The following PLA2G4A variants were observed in gnomAD, a reference collection of about 807,000 sequenced individuals.
PLA2G4A encodes the protein phospholipase A2 group IVA.
Under a neutral mutation model 81.9 loss-of-function variants are expected in PLA2G4A, and 40 were observed. The observed-to-expected ratio is 0.49, with a 90% CI of 0.38 to 0.64. The LOEUF (loss-of-function observed/expected upper bound fraction) is 0.64. Ranked by LOEUF, PLA2G4A falls within the 30% of genes least tolerant of loss-of-function variation. PLA2G4A has a pLI of 0.00. For synonymous variants in PLA2G4A, 302 were observed against 296.9 expected, an observed-to-expected ratio of 1.02 and a Z score of -0.18; for missense variants, 715 against 905.1, an observed-to-expected ratio of 0.79 and a Z score of 2.69.
intron 3 of PLA2G4A, among the ~76,000 whole-genome samples, chr1:186,871,655 A>AC (rs1653274564): frequency 6.6e-6 from 1 of 152,108 alleles, no homozygotes; most frequent in South Asian, 2.1e-4. Flanking sequence ...AGAATAGATA[A>AC]CGGAGGTGGG....
chr1:186,858,121 C>T (rs1271490748), intron 2 of PLA2G4A, among the ~76,000 whole-genome samples: 3 of 152,084 alleles, frequency 2.0e-5, no homozygotes, highest in African/African-American at 7.2e-5. Context: ...GGTTTATACT[C>T]AGTAATGGGA....
intron 14 of PLA2G4A, among the ~76,000 whole-genome samples, chr1:186,963,793 A>T (rs1341686776): frequency 6.6e-6 from 1 of 152,208 alleles, no homozygotes; most frequent in Non-Finnish European, 1.5e-5. Flanking sequence ...GTTGGATATT[A>T]ATGTTTCTTT....
chr1:186,912,154 TCATTAGCACCCC>T (rs1391245719), intron 7 of PLA2G4A, among the ~76,000 whole-genome samples: 2 of 152,184 alleles, frequency 1.3e-5, no homozygotes, highest in Non-Finnish European at 2.9e-5. Context: ...GAAAACACCC[TCATTAGCACCCC>T]CAGAAAGAAT....
At chr1:186,863,534 A>C (rs1253781376) in intron 2 of PLA2G4A, among the ~76,000 whole-genome samples, 1 of 152,136 alleles carries the variant, frequency 6.6e-6, no homozygotes, top group African/African-American at 2.4e-5. Context: ...AATATGCAGC[A>C]TGTTACTATT....
Position 186,921,268 on chromosome 1 carries a change from G to A in PLA2G4A, c.558+9879G>A, listed in dbSNP as rs115851423. Among the ~76,000 whole-genome samples, 648 of 152,246 alleles carry A rather than the reference G, an allele frequency of 4.3e-3. 3 individuals carry two copies. The highest frequency in any genetic ancestry group is 0.014 in the African/African-American group (585 of 41,538). On this transcript the variant is annotated intron_variant, in intron 7 of 17. Transcript: ENST00000367466. ...GACGTGCTCCTGTAGCCACTTAGTTGCCACCTGGAGCACCCTTTGCCTTTC... is the reference window on the plus strand; with the variant it reads ...GACGTGCTCCTGTAGCCACTTAGTTACCACCTGGAGCACCCTTTGCCTTTC...
intron 3 of PLA2G4A, among the ~76,000 whole-genome samples, chr1:186,882,432 C>T (rs533972355): frequency 6.6e-6 from 1 of 152,224 alleles, no homozygotes; most frequent in Non-Finnish European, 1.5e-5. Context: ...GAAAACATAA[C>T]AACATGTACA....
chr1:186,943,102 T>G (rs930789405), intron 10 of PLA2G4A, among the ~76,000 whole-genome samples: 3 of 152,206 alleles, frequency 2.0e-5, no homozygotes, highest in Non-Finnish European at 4.4e-5. Context: ...TGAGATAGTC[T>G]CTGAATTATA....
intron 8 of PLA2G4A, among the ~76,000 whole-genome samples, chr1:186,934,382 C>T (rs1655855996): frequency 6.7e-6 from 1 of 148,514 alleles, no homozygotes; most frequent in Non-Finnish European, 1.5e-5. Flanking sequence ...AATATCTTCT[C>T]ACATTCCCCT....
intron 12 of PLA2G4A, among the ~76,000 whole-genome samples, chr1:186,948,409 G>T (rs905460138): frequency 2.6e-5 from 4 of 151,590 alleles, no homozygotes; most frequent in African/African-American, 9.7e-5. Context: ...ATGATAAAAT[G>T]ATCTTACTTG....
At chr1:186,831,497 G>T (rs1651589243) in intron 1 of PLA2G4A, among the ~76,000 whole-genome samples, 1 of 152,090 alleles carries the variant, frequency 6.6e-6, no homozygotes, top group Admixed American at 6.5e-5. Flanking sequence ...ATTGCCGAAT[G>T]CAGTAAGTGA....
chr1:186,873,082 G>A (rs938358437), intron 3 of PLA2G4A, among the ~76,000 whole-genome samples: 4 of 151,748 alleles, frequency 2.6e-5, no homozygotes, highest in East Asian at 3.9e-4. Flanking sequence ...CACAAGAGTC[G>A]GGAAGAGACA....
intron 7 of PLA2G4A, among the ~76,000 whole-genome samples, chr1:186,913,919 A>T (rs1046642412): frequency 8.5e-5 from 13 of 152,180 alleles, no homozygotes; most frequent in African/African-American, 2.9e-4. Flanking sequence ...TAGGGTTCAA[A>T]AGCCAACCTA....
intron 15 of PLA2G4A, among the ~76,000 whole-genome samples, chr1:186,970,800 G>GT (rs2102284944): frequency 6.6e-6 from 1 of 152,066 alleles, no homozygotes; most frequent in East Asian, 1.9e-4. Context: ...TGCTGTTTTG[G>GT]TTACTGTAGC....
At chr1:186,970,234 C>T (rs1455113985) in intron 15 of PLA2G4A, among the ~76,000 whole-genome samples, 1 of 151,948 alleles carries the variant, frequency 6.6e-6, no homozygotes, top group Non-Finnish European at 1.5e-5. Context: ...CTATTCAGAT[C>T]TTTTGCCCGT....
chr1:186,954,411 G>A (rs1358296225), intron 13 of PLA2G4A, among the ~76,000 whole-genome samples: 1 of 152,090 alleles, frequency 6.6e-6, no homozygotes, highest in Admixed American at 6.5e-5. Context: ...GACACCGGGT[G>A]GGGAACATCA....
chr1:186,858,486 G>A (rs1400882534), intron 2 of PLA2G4A, among the ~76,000 whole-genome samples: 7 of 151,892 alleles, frequency 4.6e-5, no homozygotes, highest in Non-Finnish European at 7.4e-5. Flanking sequence ...TGAGTTCTTT[G>A]TAGATTCTGG....
At chr1:186,905,572 G>A (rs1013869368) in intron 5 of PLA2G4A, among the ~76,000 whole-genome samples, 10 of 152,104 alleles carry the variant, frequency 6.6e-5, no homozygotes, top group African/African-American at 2.2e-4. Flanking sequence ...CTTCTTTGAT[G>A]AAAGAATGCT....
At chr1:186,840,614 GT>G (rs1438154411) in intron 1 of PLA2G4A, among the ~76,000 whole-genome samples, 1 of 152,132 alleles carries the variant, frequency 6.6e-6, no homozygotes. Flanking sequence ...ATTTTAAACT[GT>G]CAGATCAATC....
chr1:186,905,207 C>A (rs1359460892), intron 5 of PLA2G4A, among the ~76,000 whole-genome samples: 1 of 152,150 alleles, frequency 6.6e-6, no homozygotes, highest in Non-Finnish European at 1.5e-5. Context: ...AGCTGGGAAA[C>A]CAGCATTTTC....
Sources: gnomAD v4.1 joint callset for allele counts (sites outside exome capture counted in the v4.1 genomes callset) on GRCh38, gnomAD v4.1.1 for gene constraint, MANE v1.5 for transcripts, NCBI Gene and HGNC (gene_info 2026-07-23, HGNC 2026-07-21) for gene names.